The following ZDHHC15 variants were observed in gnomAD, a reference collection of about 807,000 sequenced individuals.
ZDHHC15 encodes zDHHC palmitoyltransferase 15.
In ZDHHC15, 19 loss-of-function variants were observed where a neutral mutation model predicts 31.7. The ratio of observed to expected loss-of-function variants is 0.60; its 90% CI spans 0.42 to 0.88. ZDHHC15 has a LOEUF of 0.88. Among genes scored for constraint, ZDHHC15 ranks in the 40% least tolerant of loss-of-function variants. The pLI is 0.00. For synonymous variants in ZDHHC15, 103 were observed against 90.0 expected (o/e 1.14, Z -0.82); for missense variants, 209 against 251.2 (o/e 0.83, Z 1.14).
chrX:75,486,644 T>A (rs1418804241), intron 2 of ZDHHC15, among the ~76,000 whole-genome samples: 4 of 111,162 alleles, frequency 3.6e-5, no homozygotes, highest in Non-Finnish European at 7.6e-5. Flanking sequence ...AGTTGGGAGG[T>A]GGGGCAAAGC....
At chrX:75,408,104 C>T (rs2083441160) in intron 10 of ZDHHC15, among the ~76,000 whole-genome samples, 1 of 110,389 alleles carries the variant, frequency 9.1e-6, no homozygotes, top group South Asian at 4.0e-4. Context: ...CCTAGGAAAA[C>T]CAGAGTCCCT....
intron 10 of ZDHHC15, among the ~76,000 whole-genome samples, chrX:75,401,266 AAAG>A (rs1379523580): frequency 9.0e-6 from 1 of 111,325 alleles, no homozygotes; most frequent in African/African-American, 3.3e-5. Context: ...AAAAAAAAAA[AAAG>A]AAAAGAAAAA....
chrX:75,518,790 TATATATATATATATATACACACACAC>T (rs2085401265), intron 1 of ZDHHC15, among the ~76,000 whole-genome samples: 1 of 25,550 alleles, frequency 3.9e-5, no homozygotes, highest in Non-Finnish European at 7.3e-5. Context: ...TATATATATA[TATATATATATATATATACACACACAC>T]ACACACACAC....
chrX:75,450,848 A>G lies in ZDHHC15; in HGVS notation c.333T>C (p.Val111=), dbSNP rs2084106184. 2 of 1,209,206 alleles carry G rather than the reference A, an allele frequency of 1.7e-6. No individual in the cohort carries two copies. The highest frequency in any genetic ancestry group is 2.2e-6 in the Non-Finnish European group (2 of 894,803). ...ERPEVQKQML[V]DMAKKLPVYT... ...AAACCGGTAGCTTTTTGGCCATATC[A>G]ACAAGCATCTGCTTCTGGACCTCAG... The change falls in exon 4 of 12, where the codon GTT becomes GTC. Residue 111 remains valine, a synonymous_variant. Transcript: ENST00000373367.
chrX:75,443,435 A>G (rs2083976352), intron 4 of ZDHHC15, among the ~76,000 whole-genome samples: 1 of 111,987 alleles, frequency 8.9e-6, no homozygotes, highest in African/African-American at 3.3e-5. Context: ...CTGAAACTGG[A>G]TCCCTTCCTT....
At chrX:75,444,737 A>G (rs1444160316) in intron 4 of ZDHHC15, among the ~76,000 whole-genome samples, 1 of 94,617 alleles carries the variant, frequency 1.1e-5, no homozygotes, top group Non-Finnish European at 2.1e-5. Context: ...GGTATTTATT[A>G]AAATACCATG....
chrX:75,389,053 G>A lies in ZDHHC15; in HGVS notation c.968-9855C>T, dbSNP rs139755184. Among the ~76,000 whole-genome samples the A allele has an allele frequency of 6.4e-3, 712 of 111,666 alleles. 5 individuals are homozygous for A. Among genetic ancestry groups the A allele is most frequent in the Non-Finnish European group, 8.7e-3 (464 of 53,134 alleles). On this transcript the variant is annotated intron_variant, in intron 10 of 11. Transcript: ENST00000373367. ...AGACAGACTCTGTGAACTTGGGAGA[G>A]GGAGAGTGCAGTGACTGTGGCAGTT...
At chrX:75,472,555 G>A (rs1273923670) in intron 3 of ZDHHC15, among the ~76,000 whole-genome samples, 2 of 112,224 alleles carry the variant, frequency 1.8e-5, no homozygotes, top group African/African-American at 3.2e-5. Flanking sequence ...TATGTGGATG[G>A]ACCTCTCTGA....
chrX:75,513,546 G>T (rs1011031766), intron 1 of ZDHHC15, among the ~76,000 whole-genome samples: 2 of 111,481 alleles, frequency 1.8e-5, no homozygotes, highest in Non-Finnish European at 3.8e-5. Flanking sequence ...TCCCAGATCA[G>T]TAGAGGCTGT....
At chrX:75,518,838 C>T (rs2085405258) in intron 1 of ZDHHC15, among the ~76,000 whole-genome samples, 1 of 89,699 alleles carries the variant, frequency 1.1e-5, no homozygotes, top group Non-Finnish European at 2.2e-5. Flanking sequence ...CACACACACA[C>T]ACACACACAA....
intron 2 of ZDHHC15, among the ~76,000 whole-genome samples, chrX:75,489,256 C>T (rs1003970379): frequency 8.9e-6 from 1 of 111,968 alleles, no homozygotes; most frequent in Non-Finnish European, 1.9e-5. Flanking sequence ...GTTCTCCCAG[C>T]ACGCAGATGG....
At chrX:75,438,588 G>C (rs1365188721) in intron 4 of ZDHHC15, among the ~76,000 whole-genome samples, 1 of 111,290 alleles carries the variant, frequency 9.0e-6, no homozygotes, top group Non-Finnish European at 1.9e-5. Context: ...GCAGATACTT[G>C]GTTGGTAAAC....
chrX:75,459,971 G>A (rs760567341), intron 3 of ZDHHC15, among the ~76,000 whole-genome samples: 7 of 111,902 alleles, frequency 6.3e-5, no homozygotes, highest in Non-Finnish European at 1.3e-4. Flanking sequence ...TGCCTCCCAG[G>A]TTCAAGCGAT....
chrX:75,479,236 C>G (rs750403176), intron 2 of ZDHHC15, among the ~76,000 whole-genome samples: 3 of 111,946 alleles, frequency 2.7e-5, no homozygotes, highest in Non-Finnish European at 5.6e-5. Context: ...GGGAAATGTC[C>G]TTTATGACAA....
At chrX:75,518,804 TATACAC>T (rs1313125057) in intron 1 of ZDHHC15, among the ~76,000 whole-genome samples, 581 of 23,659 alleles carry the variant, frequency 0.025, no homozygotes, top group Non-Finnish European at 0.027. Flanking sequence ...TATATATATA[TATACAC>T]ACACACACAC....
chrX:75,421,032 A>C (rs1022546036), intron 9 of ZDHHC15, among the ~76,000 whole-genome samples: 1 of 109,940 alleles, frequency 9.1e-6, no homozygotes, highest in African/African-American at 3.3e-5. Flanking sequence ...TATTAGTATT[A>C]ACCACAAAAT....
chrX:75,385,782 T>A (rs1000978603), intron 10 of ZDHHC15, among the ~76,000 whole-genome samples: 1 of 111,708 alleles, frequency 9.0e-6, no homozygotes, highest in Non-Finnish European at 1.9e-5. Context: ...ATTCTACTTA[T>A]CTAAAGCCTT....
intron 4 of ZDHHC15, among the ~76,000 whole-genome samples, chrX:75,439,485 T>C (rs2083909298): frequency 8.9e-6 from 1 of 112,094 alleles, no homozygotes. Flanking sequence ...CTTTTGCATT[T>C]GTCTAAGTGT....
chrX:75,481,988 T>C (rs1276292375), intron 2 of ZDHHC15, among the ~76,000 whole-genome samples: 1 of 112,031 alleles, frequency 8.9e-6, no homozygotes. Context: ...AACAAAAAGC[T>C]AGACCTTGTT....
Sources: allele counts gnomAD v4.1 joint callset (sites outside exome capture counted in the v4.1 genomes callset), GRCh38; gene constraint gnomAD v4.1.1; transcripts MANE v1.5; gene names NCBI Gene and HGNC (gene_info 2026-07-23, HGNC 2026-07-21).